Variants in GFM1 observed in about 807,000 individuals in gnomAD.
GFM1 encodes G elongation factor mitochondrial 1, also known as elongation factor G, mitochondrial.
GFM1 carries 62 observed loss-of-function variants against 96.2 expected under a neutral mutation model. The observed-to-expected ratio is 0.64, with a 90% CI of 0.53 to 0.80. The LOEUF (loss-of-function observed/expected upper bound fraction) is 0.80. GFM1 is among the 30% of genes least tolerant of loss of function. GFM1 has a pLI of 0.00. For synonymous variants in GFM1, 282 were observed against 312.9 expected (o/e 0.90, Z 1.04); for missense variants, 852 against 916.6 (o/e 0.93, Z 0.91).
At chr3:158,656,163 A>T (rs552646467) in intron 8 of GFM1, 14 of 227,470 alleles carry the variant, frequency 6.2e-5, no homozygotes, top group Non-Finnish European at 1.0e-4. Context: ...TTTTATTTTT[A>T]TTTTTTTGAG....
intron 13 of GFM1, chr3:158,669,638 A>T: frequency 6.3e-7 from 1 of 1,586,156 alleles, no homozygotes; most frequent in East Asian, 2.2e-5. Context: ...AAATATCCTT[A>T]TATACAGAAG....
chr3:158,675,699 A>G (rs940356160), intron 13 of GFM1, among the ~76,000 whole-genome samples: 1 of 152,198 alleles, frequency 6.6e-6, no homozygotes, highest in Non-Finnish European at 1.5e-5. Context: ...TTATGCTTCT[A>G]TTATAAAGAC....
intron 13 of GFM1, among the ~76,000 whole-genome samples, chr3:158,679,850 C>T (rs1560142725): frequency 6.6e-6 from 1 of 152,150 alleles, no homozygotes; most frequent in Non-Finnish European, 1.5e-5. Flanking sequence ...GTGAGAAATA[C>T]AATATGTGAG....
At chr3:158,645,863 C>T in intron 2 of GFM1, 82 bp downstream of exon 2, 2 of 1,281,638 alleles carry the variant, frequency 1.6e-6, no homozygotes, top group Non-Finnish European at 2.3e-6. Context: ...AGCTTATAAA[C>T]CTGAAAGATT....
Position 158,649,614 on chromosome 3 carries a change from A to G in GFM1, c.689+457A>G, listed in dbSNP as rs1722127117. On this transcript the variant is annotated intron_variant, in intron 5 of 17. Coordinates refer to ENST00000486715, the MANE Select transcript of GFM1 (RefSeq NM_024996.7). ...TTACATGGACAGAAAAGATTAATAA[A>G]TTAAAACAGTTAAAATTGTACAAAT... 7 of 210,606 alleles carry G rather than the reference A, an allele frequency of 3.3e-5. No individual in the cohort carries two copies. The South Asian group carries it at 6.8e-4, about 21-fold the overall frequency. 13.0% of individuals were successfully genotyped at this position (210,606 alleles called of 1,614,324 possible).
chr3:158,649,802 A>G, intron 5 of GFM1: 1 of 540,160 alleles, frequency 1.9e-6, no homozygotes, highest in Non-Finnish European at 3.3e-6. Context: ...TAAAAGACAT[A>G]GTCCTGGCTC....
chr3:158,660,848 T>A, intron 9 of GFM1, 26 bp from the exon 10 acceptor site: 2 of 1,577,188 alleles, frequency 1.3e-6, no homozygotes, highest in South Asian at 2.2e-5. Flanking sequence ...CTTGCAAATA[T>A]AATTTTGTGT....
At chr3:158,649,392 A>G (rs561689036) in intron 5 of GFM1, 21 of 377,430 alleles carry the variant, frequency 5.6e-5, no homozygotes, top group African/African-American at 4.1e-4. Flanking sequence ...ACATTATGGC[A>G]TGCATGGTGT....
rs148913404 is a variant in GFM1 at position 158,655,872 on chromosome 3, C to T, written c.1083+1241C>T. 257 of 457,320 alleles carry T rather than the reference C, an allele frequency of 5.6e-4. 5 individuals carry two copies. The highest frequency in any genetic ancestry group is 2.2e-3 in the South Asian group (145 of 64,566). 28.3% of individuals were successfully genotyped at this position (457,320 alleles called of 1,614,324 possible). ...CACAGAAGGCCCATCCAGAGGACCA[C>T]GTTATATTTGATTGTCATGTCTCCT... On this transcript the variant is annotated intron_variant, in intron 8 of 17. Transcript: ENST00000486715.
chr3:158,645,719 G>T lies in GFM1; in HGVS notation c.172G>T (p.Gly58Trp), dbSNP rs1721722119. ...TGGAATCTCAGCTCACATTGATTCT[G>T]GGAAAACTACATTAACAGAACGAGT... is the stretch of plus-strand genomic sequence containing the variant. ...NIGISAHIDSGKTTLTERVLY... is the reference protein window; with the variant it reads ...NIGISAHIDSWKTTLTERVLY... The change falls in exon 2 of 18, where the codon GGG (glycine) becomes TGG (tryptophan). Residue 58 changes from glycine to tryptophan, a missense_variant. Gly to Trp is a radical substitution (Grantham distance 184). Coordinates refer to ENST00000486715, the MANE Select transcript of GFM1 (RefSeq NM_024996.7). 6.2e-7 allele frequency: 1 copy of T among 1,612,072 alleles called. No individual in the cohort carries two copies. The highest frequency in any genetic ancestry group is 1.3e-5 in the African/African-American group (1 of 74,860).
chr3:158,665,321 T>C lies in GFM1; in HGVS notation c.1381-16T>C. 6.3e-7 allele frequency: 1 copy of C among 1,596,510 alleles called. No individual in the cohort carries two copies. Among genetic ancestry groups the C allele is most frequent in the East Asian group, 2.2e-5 (1 of 44,694 alleles). ...TGCTCAGTAAAACATATAGTGACTT[T>C]CTTCTTCTTTTAAAGAACGATCTGG... On this transcript the variant is annotated splice_polypyrimidine_tract_variant and intron_variant, in intron 11 of 17. Coordinates refer to ENST00000486715, the MANE Select transcript of GFM1 (RefSeq NM_024996.7).
chr3:158,675,607 G>T lies in GFM1; in HGVS notation c.1602-6388G>T, dbSNP rs187872876. 4.5e-4 allele frequency among the ~76,000 whole-genome samples: 69 copies of T among 152,124 alleles called. 1 individual carries two copies. Among genetic ancestry groups the T allele is most frequent in the Non-Finnish European group, 7.9e-4 (54 of 67,972 alleles). ...AAACAAGTTACTGATTCAATCAGTT[G>T]TATAAGATTACAAAATATAAAATGG... On this transcript the variant is annotated intron_variant, in intron 13 of 17. Coordinates refer to ENST00000486715, the MANE Select transcript of GFM1 (RefSeq NM_024996.7).
Position 158,649,028 on chromosome 3 carries a change from T to G in GFM1, c.573-13T>G. ...GAAGAAAAAAGGTAAACAAGTGTAT[T>G]TTTATTTTTCAGGTCTAAACTAAAT... On this transcript the variant is annotated splice_polypyrimidine_tract_variant and intron_variant, in intron 4 of 17. Coordinates refer to ENST00000486715, the MANE Select transcript of GFM1 (RefSeq NM_024996.7). 1 of 1,185,750 alleles carries G rather than the reference T, an allele frequency of 8.4e-7. No homozygotes were observed. The highest frequency in any genetic ancestry group is 1.3e-6 in the Non-Finnish European group (1 of 789,540). The allele number at this position is 1,185,750 out of a possible 1,614,324, so 73.5% of individuals were successfully genotyped here. A position where few individuals can be genotyped will look rare whatever the true frequency, so the allele number is the denominator to read the frequency against.
chr3:158,692,227 C>G lies in GFM1; in HGVS notation c.*760C>G, dbSNP rs1449693006. On this transcript the variant is annotated 3_prime_UTR_variant, in exon 18 of 18. Transcript: ENST00000486715. ...GTTTTAGGAGTATAAGTATTACTTC[C>G]TTGTGGTCTATTGTGAAGTAAAAAG... 1 of 152,208 alleles carries G rather than the reference C, an allele frequency of 6.6e-6. No homozygotes were observed. The highest frequency in any genetic ancestry group is 2.4e-5 in the African/African-American group (1 of 41,442). The allele number at this position is 152,208 out of a possible 1,614,324, so 9.4% of individuals were successfully genotyped here.
chr3:158,673,752 C>T (rs1200514323), intron 13 of GFM1, among the ~76,000 whole-genome samples: 1 of 151,988 alleles, frequency 6.6e-6, no homozygotes, highest in African/African-American at 2.4e-5. Context: ...GATCCACCCA[C>T]CTTAGCCTCC....
intron 3 of GFM1, 117 bp downstream of exon 3, chr3:158,646,414 T>G: frequency 2.7e-6 from 3 of 1,099,640 alleles, no homozygotes; most frequent in Non-Finnish European, 4.1e-6. Flanking sequence ...TAACACTGAA[T>G]TCCTATTAAA....
intron 13 of GFM1, 116 bp from the exon 14 acceptor site, chr3:158,681,879 C>A: frequency 1.2e-6 from 1 of 867,874 alleles, no homozygotes; most frequent in Non-Finnish European, 1.8e-6. Context: ...ATAGCAAGAC[C>A]ATCATATTCA....
At chr3:158,648,581 G>A (rs901686188) in intron 4 of GFM1, among the ~76,000 whole-genome samples, 3 of 151,732 alleles carry the variant, frequency 2.0e-5, no homozygotes, top group Non-Finnish European at 4.4e-5. Flanking sequence ...GGGAGGCTGA[G>A]GCAGGAGAAT....
intron 13 of GFM1, chr3:158,669,748 TATC>T (rs1724088368): frequency 1.3e-6 from 1 of 771,884 alleles, no homozygotes; most frequent in Middle Eastern, 3.6e-4. Context: ...TTTTCAGAGG[TATC>T]TAATTGGGCC....
Sources: allele counts gnomAD v4.1 joint callset (sites outside exome capture counted in the v4.1 genomes callset), GRCh38; gene constraint gnomAD v4.1.1; transcripts MANE v1.5; gene names NCBI Gene and HGNC (gene_info 2026-07-23, HGNC 2026-07-21).